Variants in CDC34 observed in about 807,000 individuals in gnomAD.
The protein encoded by CDC34 is cell division cycle 34, ubiquitin conjugating enzyme.
A neutral mutation model predicts 26.8 loss-of-function variants in CDC34; 18 were observed. The ratio of observed to expected loss-of-function variants is 0.67; its 90% CI spans 0.47 to 1.00. CDC34 has a LOEUF of 1.00. Ranked by LOEUF, CDC34 falls within the 50% of genes least tolerant of loss-of-function variation. CDC34 has a pLI of 0.00. For missense variants in CDC34, 280 were observed against 334.5 expected, an observed-to-expected ratio of 0.84 and a Z score of 1.27; for synonymous variants, 178 against 147.5, an observed-to-expected ratio of 1.21 and a Z score of -1.50.
chr19:534,645 T>G (rs1368858174), intron 1 of CDC34, among the ~76,000 whole-genome samples: 6 of 27,876 alleles, frequency 2.2e-4, no homozygotes, highest in South Asian at 3.9e-3. Context: ...CCGAGTGCCC[T>G]CCCTGTCCAG....
rs28687356 is a variant in CDC34 at position 535,974 on chromosome 19, T to C, written c.264+51T>C. On this transcript the variant is annotated intron_variant, in intron 2 of 4. Transcript: ENST00000215574. ...AGTCCTCATCCTCCGGGACCCAGGGTGCTGGGAGCCTCACGTCCTCATCCT... is the reference window on the plus strand; with the variant it reads ...AGTCCTCATCCTCCGGGACCCAGGGCGCTGGGAGCCTCACGTCCTCATCCT... 3.4e-4 allele frequency: 516 copies of C among 1,521,064 alleles called. 1 individual carries two copies. The African/African-American group carries it at 5.0e-3, about 15-fold the overall frequency. The allele number at this position is 1,521,064 out of a possible 1,614,324, so 94.2% of individuals were successfully genotyped here.
At chr19:539,684 A>G (rs1979923095) in intron 4 of CDC34, among the ~76,000 whole-genome samples, 1 of 152,058 alleles carries the variant, frequency 6.6e-6, no homozygotes, top group Non-Finnish European at 1.5e-5. Context: ...GGTCGGTGAT[A>G]GGGGCTCGAG....
In CDC34 at chr19:538,951, G is replaced by A. The variant is rs142363739; in HGVS notation, c.497+1804G>A. On this transcript the variant is annotated intron_variant, in intron 4 of 4. Coordinates refer to ENST00000215574, the MANE Select transcript of CDC34 (RefSeq NM_004359.2). ...GCCCAGGTGGCTGGCTCCTTGGCCCGGTTCTTCCCGGCCACCTCCCTGAGG... is the reference window on the plus strand; with the variant it reads ...GCCCAGGTGGCTGGCTCCTTGGCCCAGTTCTTCCCGGCCACCTCCCTGAGG... 99 of 985,358 alleles carry A rather than the reference G, an allele frequency of 1.0e-4. No individual in the cohort carries two copies. The Middle Eastern group carries it at 1.6e-3, about 16-fold the overall frequency. The allele number at this position is 985,358 out of a possible 1,614,324, so 61.0% of individuals were successfully genotyped here. A position where few individuals can be genotyped will look rare whatever the true frequency, so the allele number is the denominator to read the frequency against.
intron 1 of CDC34, among the ~76,000 whole-genome samples, chr19:533,065 G>A (rs1979570418): frequency 6.6e-6 from 1 of 152,194 alleles, no homozygotes; most frequent in Non-Finnish European, 1.5e-5. Flanking sequence ...TCTGTCTCAT[G>A]TGAAAAGGAC....
chr19:537,414 G>A (rs2011226), intron 4 of CDC34, among the ~76,000 whole-genome samples: 54,241 of 151,336 alleles, frequency 0.36, 11,796 homozygotes, highest in East Asian at 0.56. Context: ...GTGCAGTGGC[G>A]CGATCTCGGC....
chr19:535,339 G>A (rs1031432417), intron 1 of CDC34, among the ~76,000 whole-genome samples: 1 of 152,256 alleles, frequency 6.6e-6, no homozygotes, highest in African/African-American at 2.4e-5. Flanking sequence ...GCCAGGGCAG[G>A]TGTCACAAGT....
At chr19:532,653 C>T (rs774538437) in intron 1 of CDC34, among the ~76,000 whole-genome samples, 10 of 152,246 alleles carry the variant, frequency 6.6e-5, no homozygotes, top group South Asian at 2.1e-4. Context: ...GCTGGCGCGG[C>T]CACTCGCTCA....
chr19:531,942 C>A lies in CDC34; in HGVS notation c.11C>A (p.Pro4Gln). ...CCCTCCGCCGCCGCCATGGCTCGGCCGCTAGTGCCCAGCTCGCAGAAGGCG... is the reference window on the plus strand; with the variant it reads ...CCCTCCGCCGCCGCCATGGCTCGGCAGCTAGTGCCCAGCTCGCAGAAGGCG... Reference protein sequence around the residue: MARPLVPSSQKALL... With the variant: MARQLVPSSQKALL... Residue 4 changes from proline to glutamine, a missense_variant, in exon 1 of 5, where the codon CCG becomes CAG. Physicochemically the swap from Pro to Gln is moderately conservative, Grantham distance 76. Transcript: ENST00000215574. 6.9e-7 allele frequency: 1 copy of A among 1,443,816 alleles called. No homozygotes were observed. Among genetic ancestry groups the A allele is most frequent in the Non-Finnish European group, 9.1e-7 (1 of 1,102,248 alleles). 89.4% of individuals were successfully genotyped at this position (1,443,816 alleles called of 1,614,324 possible). A position where few individuals can be genotyped will look rare whatever the true frequency, so the allele number is the denominator to read the frequency against.
intron 4 of CDC34, among the ~76,000 whole-genome samples, chr19:538,073 G>A (rs1038087942): frequency 3.3e-5 from 5 of 151,700 alleles, no homozygotes; most frequent in Non-Finnish European, 5.9e-5. Flanking sequence ...TAGGGAACAT[G>A]TGTCTGTGCC....
intron 3 of CDC34, chr19:536,684 G>A: frequency 1.9e-6 from 1 of 525,478 alleles, no homozygotes; most frequent in Admixed American, 3.3e-5. Context: ...TGCCGCCTGG[G>A]CCTCGTCCCC....
At chr19:539,614 G>A (rs1173799348) in intron 4 of CDC34, among the ~76,000 whole-genome samples, 5 of 152,146 alleles carry the variant, frequency 3.3e-5, no homozygotes, top group South Asian at 2.1e-4. Flanking sequence ...CCTCCCATGC[G>A]GGCACTGTGG....
chr19:535,598 C>T (rs901486961), intron 1 of CDC34, among the ~76,000 whole-genome samples: 2 of 152,230 alleles, frequency 1.3e-5, no homozygotes, highest in Non-Finnish European at 2.9e-5. Flanking sequence ...GGCCGGGTCC[C>T]GGCCACCTGG....
At chr19:540,079 GC>G (rs759997714) in intron 4 of CDC34, among the ~76,000 whole-genome samples, 11 of 92,220 alleles carry the variant, frequency 1.2e-4, no homozygotes, top group African/African-American at 2.7e-4. Context: ...GGGTGGCCAG[GC>G]CCCCCAGGTT....
At chr19:536,089 G>T (rs1267547773) in intron 2 of CDC34, among the ~76,000 whole-genome samples, 154 bp from the exon 3 acceptor site, 1 of 139,186 alleles carries the variant, frequency 7.2e-6, no homozygotes, top group South Asian at 2.2e-4. Context: ...TCCGGGACCC[G>T]AGGCGCTGGG....
At position 538,289 on chromosome 19, in the gene CDC34, A is replaced by C. The variant is rs16990583; in HGVS notation, c.497+1142A>C. 8.7e-4 allele frequency among the ~76,000 whole-genome samples: 133 copies of C among 152,318 alleles called. 2 individuals carry two copies. In the East Asian group the frequency reaches 0.021, roughly 25 times the overall value. On this transcript the variant is annotated intron_variant, in intron 4 of 4. Coordinates refer to ENST00000215574, the MANE Select transcript of CDC34 (RefSeq NM_004359.2). The stretch of plus-strand genomic sequence containing the variant: ...TCTGGGTACAGCTGTGCAGTCGCCT[A>C]CCGGCGCCTTCTGTACCTGCAGTCC...
At chr19:532,813 C>T (rs1979558322) in intron 1 of CDC34, among the ~76,000 whole-genome samples, 1 of 152,214 alleles carries the variant, frequency 6.6e-6, no homozygotes, top group Non-Finnish European at 1.5e-5. Flanking sequence ...AGGGGCGTGC[C>T]TCCCACCTGC....
intron 1 of CDC34, among the ~76,000 whole-genome samples, 179 bp from the exon 2 acceptor site, chr19:535,658 C>T (rs961310207): frequency 1.3e-5 from 2 of 152,232 alleles, no homozygotes; most frequent in African/African-American, 4.8e-5. Flanking sequence ...AGGCTTCAGG[C>T]AGCCTTCTGG....
intron 4 of CDC34, among the ~76,000 whole-genome samples, chr19:537,696 C>T (rs1979825894): frequency 1.6e-5 from 2 of 125,254 alleles, no homozygotes; most frequent in South Asian, 2.7e-4. Flanking sequence ...TACTCTCTTG[C>T]CTAGGCTGCA....
At chr19:541,288 G>A in intron 4 of CDC34, 51 bp from the exon 5 acceptor site, 1 of 1,475,076 alleles carries the variant, frequency 6.8e-7, no homozygotes, top group Non-Finnish European at 9.0e-7. Context: ...GGCCGGGCAG[G>A]GGCCGAGTCC....
Sources: gnomAD v4.1 joint callset for allele counts (sites outside exome capture counted in the v4.1 genomes callset) on GRCh38, gnomAD v4.1.1 for gene constraint, MANE v1.5 for transcripts, NCBI Gene and HGNC (gene_info 2026-07-23, HGNC 2026-07-21) for gene names.